Variants in RANBP17 observed in about 807,000 individuals in gnomAD.
RANBP17 encodes RAN binding protein 17.
In RANBP17, 158 loss-of-function variants were observed where a neutral mutation model predicts 141.2. That is an observed-to-expected ratio of 1.12 (90% CI 0.98 to 1.28). The LOEUF is 1.28. RANBP17 is among the 50% of genes most tolerant of loss of function. The pLI, the probability that RANBP17 is intolerant of heterozygous loss-of-function variation, is 0.00. For synonymous variants in RANBP17, 430 were observed against 450.0 expected (o/e 0.96, Z 0.56); for missense variants, 1,438 against 1,290.7 (o/e 1.11, Z -1.75).
chr5:171,154,008 CAA>C (rs763215319), intron 14 of RANBP17, among the ~76,000 whole-genome samples: 1 of 149,934 alleles, frequency 6.7e-6, no homozygotes, highest in Non-Finnish European at 1.5e-5. Flanking sequence ...GCCTGGGCAA[CAA>C]GAGCAAAACT....
At position 171,148,588 on chromosome 5, in the gene RANBP17, A is replaced by G. The variant is rs190101326; in HGVS notation, c.1711-21542A>G. Among the ~76,000 whole-genome samples the G allele has an allele frequency of 2.8e-3, 431 of 151,654 alleles. 3 individuals carry two copies. Among genetic ancestry groups the G allele is most frequent in the African/African-American group, 9.6e-3 (397 of 41,162 alleles). The stretch of plus-strand genomic sequence containing the variant: ...GTCTAGTATTGAGGTACTTGTCTAT[A>G]TATCTGTATTGATATATATATATAT... On this transcript the variant is annotated intron_variant, in intron 14 of 27. Coordinates refer to ENST00000523189, the MANE Select transcript of RANBP17 (RefSeq NM_022897.5).
chr5:171,056,262 A>T (rs1581509888), intron 14 of RANBP17, among the ~76,000 whole-genome samples: 1 of 152,264 alleles, frequency 6.6e-6, no homozygotes, highest in East Asian at 1.9e-4. Flanking sequence ...CTAATGCCAC[A>T]GTCTCCAAAG....
Position 171,199,712 on chromosome 5 carries a change from C to T in RANBP17, c.2081C>T (p.Thr694Ile), listed in dbSNP as rs1762191892. Residue 694 changes from threonine (T) to isoleucine (I), a missense_variant, in exon 19 of 28, where the codon ACA (threonine) becomes ATA (isoleucine). Coordinates refer to ENST00000523189, the MANE Select transcript of RANBP17 (RefSeq NM_022897.5). ...TTTGAGAATTTCATGCTGCCTCTTA[C>T]AGTTGCTTTTGAAACAGTATTACAA... ...DEFENFMLPL[T>I]VAFETVLQIF... 6.2e-7 allele frequency: 1 copy of T among 1,611,290 alleles called. No homozygotes were observed. Among genetic ancestry groups the T allele is most frequent in the Non-Finnish European group, 8.5e-7 (1 of 1,178,372 alleles).
At chr5:171,238,362 T>G (rs1408163914) in intron 22 of RANBP17, among the ~76,000 whole-genome samples, 2 of 139,066 alleles carry the variant, frequency 1.4e-5, no homozygotes. Context: ...AATATTAACA[T>G]AGAGATAACA....
At chr5:171,036,477 A>G (rs1016634973) in intron 14 of RANBP17, among the ~76,000 whole-genome samples, 9 of 152,094 alleles carry the variant, frequency 5.9e-5, no homozygotes, top group African/African-American at 2.2e-4. Flanking sequence ...TTTAGATGTC[A>G]GGGGTACATA....
Position 170,961,974 on chromosome 5 carries a change from C to T in RANBP17, c.1575-6268C>T, listed in dbSNP as rs114278418. Among the ~76,000 whole-genome samples, 495 of 152,214 alleles carry T rather than the reference C, an allele frequency of 3.3e-3. 2 individuals are homozygous for T. The highest frequency in any genetic ancestry group is 0.011 in the African/African-American group (464 of 41,520). ...CTAGGTATGGCAAAGTGATTATGTT[C>T]TTAGTGTAAATGAACGTGTTATGTG... On this transcript the variant is annotated intron_variant, in intron 13 of 27. Transcript: ENST00000523189.
At chr5:170,996,214 T>C (rs1778806928) in intron 14 of RANBP17, among the ~76,000 whole-genome samples, 1 of 152,154 alleles carries the variant, frequency 6.6e-6, no homozygotes, top group Admixed American at 6.5e-5. Context: ...ACCCTCTCCT[T>C]CCTCACGGTT....
chr5:170,981,994 C>T (rs1169051869), intron 14 of RANBP17, among the ~76,000 whole-genome samples: 1 of 152,198 alleles, frequency 6.6e-6, no homozygotes, highest in East Asian at 1.9e-4. Context: ...CCCAGCACAA[C>T]TGGAGATTGT....
In RANBP17 at chr5:171,133,174, G is replaced by A. The variant is rs921715402; in HGVS notation, c.1711-36956G>A. ...GCTGGGATTACAGGCTTGAGCCACC[G>A]CGCCCGGCTGAATGTTTGTCTTTTA... On this transcript the variant is annotated intron_variant, in intron 14 of 27. Coordinates refer to ENST00000523189, the MANE Select transcript of RANBP17 (RefSeq NM_022897.5). 6.6e-5 allele frequency among the ~76,000 whole-genome samples: 10 copies of A among 152,036 alleles called. No homozygotes were observed. In the East Asian group the frequency reaches 9.6e-4, roughly 15 times the overall value.
intron 13 of RANBP17, among the ~76,000 whole-genome samples, chr5:170,964,518 G>A (rs891870610): frequency 6.6e-6 from 1 of 151,720 alleles, no homozygotes; most frequent in African/African-American, 2.4e-5. Flanking sequence ...TTTAGCATTA[G>A]GTGTATCTCC....
chr5:171,298,724 T>C, intron 27 of RANBP17, 38 bp from the exon 28 acceptor site: 9 of 1,529,818 alleles, frequency 5.9e-6, no homozygotes, highest in Middle Eastern at 1.7e-4. Flanking sequence ...AGGCTTTGCC[T>C]CATTACTACC....
chr5:171,127,469 A>G (rs1031438109), intron 14 of RANBP17, among the ~76,000 whole-genome samples: 3 of 152,234 alleles, frequency 2.0e-5, no homozygotes, highest in Admixed American at 2.0e-4. Context: ...TATTCATCTG[A>G]CAAGTTACTT....
In RANBP17 at chr5:171,228,089, C is replaced by T. The variant is rs191494255; in HGVS notation, c.2422+6249C>T. On this transcript the variant is annotated intron_variant, in intron 22 of 27. Coordinates refer to ENST00000523189, the MANE Select transcript of RANBP17 (RefSeq NM_022897.5). ...CCCATGGATCAAGGAGTAATTTTGA[C>T]TTTCAAGTCGTATTATATCAGAAAT... Among the ~76,000 whole-genome samples, 7 of 152,332 alleles carry T rather than the reference C, an allele frequency of 4.6e-5. No homozygotes were observed. The East Asian group carries it at 9.6e-4, about 21-fold the overall frequency.
chr5:171,267,200 A>AT (rs75633814), intron 25 of RANBP17, among the ~76,000 whole-genome samples: 12,065 of 131,916 alleles, frequency 0.091, 831 homozygotes, highest in East Asian at 0.19. Flanking sequence ...CATCCAGCTA[A>AT]TTTTTTTTTT....
At chr5:170,963,201 A>G (rs867038877) in intron 13 of RANBP17, among the ~76,000 whole-genome samples, 6 of 152,212 alleles carry the variant, frequency 3.9e-5, no homozygotes, top group Admixed American at 1.3e-4. Context: ...AGTATATATG[A>G]TAAATACTTC....
At position 171,205,586 on chromosome 5, in the gene RANBP17, C is replaced by A; in HGVS notation, c.2205C>A (p.Thr735=). The A allele has an allele frequency of 6.2e-7, 1 of 1,613,848 alleles. No individual in the cohort carries two copies. Among genetic ancestry groups the A allele is most frequent in the Non-Finnish European group, 8.5e-7 (1 of 1,179,798 alleles). Reference sequence around the variant, plus strand: ...TTGCCTTTGCACTGAACACAAAGACCAGCTACACCATGCTGTTTGACTGGA... The same window carrying A: ...TTGCCTTTGCACTGAACACAAAGACAAGCTACACCATGCTGTTTGACTGGA... ...RGIAFALNTK[T]SYTMLFDWMY... The change falls in exon 20 of 28, where the codon ACC becomes ACA. Residue 735 remains threonine (T), a synonymous_variant. Transcript: ENST00000523189.
At chr5:171,008,290 A>G (rs769715092) in intron 14 of RANBP17, among the ~76,000 whole-genome samples, 6 of 152,170 alleles carry the variant, frequency 3.9e-5, no homozygotes, top group Non-Finnish European at 7.4e-5. Context: ...AATTGGTGAG[A>G]TGTTCCTTGG....
At chr5:171,224,252 G>A (rs1454278485) in intron 22 of RANBP17, among the ~76,000 whole-genome samples, 1 of 152,176 alleles carries the variant, frequency 6.6e-6, no homozygotes, top group Non-Finnish European at 1.5e-5. Context: ...GAAATAAACA[G>A]CATATATGTA....
At chr5:170,892,806 A>G (rs1286272437) in intron 4 of RANBP17, among the ~76,000 whole-genome samples, 1 of 152,212 alleles carries the variant, frequency 6.6e-6, no homozygotes, top group Non-Finnish European at 1.5e-5. Context: ...TTTATGACAC[A>G]TATGTCTATG....
Sources: gnomAD v4.1 joint callset for allele counts (sites outside exome capture counted in the v4.1 genomes callset) on GRCh38, gnomAD v4.1.1 for gene constraint, MANE v1.5 for transcripts, NCBI Gene and HGNC (gene_info 2026-07-23, HGNC 2026-07-21) for gene names.